The following HEXB variants were observed in gnomAD, a reference collection of about 807,000 sequenced individuals.
The protein encoded by HEXB is beta-hexosaminidase subunit beta.
A neutral mutation model predicts 71.2 loss-of-function variants in HEXB; 51 were observed. The observed-to-expected ratio is 0.72, with a 90% CI of 0.57 to 0.90. The LOEUF (loss-of-function observed/expected upper bound fraction) is 0.90. HEXB is among the 40% of genes least tolerant of loss of function. The pLI is 0.00. For missense variants in HEXB, 617 were observed against 677.0 expected (o/e 0.91, Z 0.98); for synonymous variants, 266 against 249.3 (o/e 1.07, Z -0.63).
chr5:74,648,466 C>G (rs1748041461), intron 1 of HEXB, among the ~76,000 whole-genome samples: 2 of 152,232 alleles, frequency 1.3e-5, no homozygotes, highest in Admixed American at 1.3e-4. Context: ...ATCCCCTTCT[C>G]CAGCACAATC....
chr5:74,642,628 G>A (rs564463581), intron 1 of HEXB, among the ~76,000 whole-genome samples: 19 of 151,908 alleles, frequency 1.3e-4, no homozygotes, highest in Non-Finnish European at 2.5e-4. Context: ...ACCTAAAACG[G>A]CACCTAGATG....
chr5:74,703,189 G>C (rs1487410686), intron 5 of HEXB, among the ~76,000 whole-genome samples: 1 of 152,220 alleles, frequency 6.6e-6, no homozygotes, highest in Non-Finnish European at 1.5e-5. Context: ...CTAGCCTCAG[G>C]TGGTCCACCC....
chr5:74,704,523 A>G (rs1749336107), intron 5 of HEXB, among the ~76,000 whole-genome samples: 1 of 152,172 alleles, frequency 6.6e-6, no homozygotes, highest in African/African-American at 2.4e-5. Context: ...GTTGGGACTC[A>G]AATTTCAGAA....
chr5:74,718,090 C>G (rs1023437192), intron 9 of HEXB, among the ~76,000 whole-genome samples: 6 of 152,166 alleles, frequency 3.9e-5, no homozygotes, highest in African/African-American at 1.4e-4. Flanking sequence ...AACCCCCATA[C>G]TATGTTAGGT....
At chr5:74,675,905 G>A (rs1180733728) in intron 1 of HEXB, among the ~76,000 whole-genome samples, 1 of 152,134 alleles carries the variant, frequency 6.6e-6, no homozygotes, top group African/African-American at 2.4e-5. Flanking sequence ...AATTGAGTGG[G>A]GAGGGAATCT....
chr5:74,714,086 C>T (rs1036287654), intron 7 of HEXB, among the ~76,000 whole-genome samples: 5 of 152,228 alleles, frequency 3.3e-5, no homozygotes, highest in South Asian at 2.1e-4. Flanking sequence ...CGGCCCGCCT[C>T]GGCCTCCCAA....
At chr5:74,703,834 C>A (rs1749317755) in intron 5 of HEXB, among the ~76,000 whole-genome samples, 1 of 152,050 alleles carries the variant, frequency 6.6e-6, no homozygotes, top group African/African-American at 2.4e-5. Context: ...GTCACGATGC[C>A]CAGCTAATTT....
intron 1 of HEXB, among the ~76,000 whole-genome samples, chr5:74,677,515 G>A (rs1361361661): frequency 2.4e-5 from 2 of 81,714 alleles, no homozygotes; most frequent in Admixed American, 2.9e-4. Flanking sequence ...TTTTTTTTTG[G>A]TACTACTCTC....
chr5:74,691,614 G>C (rs1280743550), intron 2 of HEXB, among the ~76,000 whole-genome samples: 3 of 152,148 alleles, frequency 2.0e-5, no homozygotes, highest in African/African-American at 7.2e-5. Flanking sequence ...CACACGTGCA[G>C]GAACACACGC....
upstream of HEXB, among the ~76,000 whole-genome samples, chr5:74,680,735 T>G (rs1293491772): frequency 6.6e-6 from 1 of 152,226 alleles, no homozygotes; most frequent in Non-Finnish European, 1.5e-5. Context: ...TTTGGGGATA[T>G]TTAGCACACA....
chr5:74,719,036 A>AT (rs1345900466), intron 11 of HEXB, 65 bp downstream of exon 11: 14 of 1,496,972 alleles, frequency 9.4e-6, no homozygotes, highest in Non-Finnish European at 1.3e-5. Flanking sequence ...TGAAGCAACC[A>AT]TTGTTACCTT....
At chr5:74,653,889 A>G (rs2112078967) in intron 1 of HEXB, among the ~76,000 whole-genome samples, 1 of 152,306 alleles carries the variant, frequency 6.6e-6, no homozygotes, top group Non-Finnish European at 1.5e-5. Flanking sequence ...CAAAGAGCTC[A>G]GAGACTAGTA....
Position 74,696,744 on chromosome 5 carries a change from G to A in HEXB, c.558+5G>A, listed in dbSNP as rs892920643. The A allele has an allele frequency of 1.3e-5, 18 of 1,392,808 alleles. No individual in the cohort carries two copies. The highest frequency in any genetic ancestry group is 1.7e-5 in the Non-Finnish European group (17 of 979,822). 86.3% of individuals were successfully genotyped at this position (1,392,808 alleles called of 1,614,324 possible). ...TATCAAGATTCTTATGGAACTGTAA[G>A]TATGATTATTATATGTTACTAAAAA... On this transcript the variant is annotated splice_donor_5th_base_variant and intron_variant, in intron 4 of 13. Transcript: ENST00000261416.
intron 12 of HEXB, 58 bp downstream of exon 12, chr5:74,720,576 T>G: frequency 1.3e-6 from 2 of 1,594,494 alleles, no homozygotes; most frequent in South Asian, 2.2e-5. Flanking sequence ...TCCTTCTCTG[T>G]CTAAACACAA....
intron 1 of HEXB, among the ~76,000 whole-genome samples, chr5:74,644,832 C>T (rs1161494733): frequency 6.2e-5 from 7 of 112,920 alleles, no homozygotes; most frequent in Admixed American, 5.5e-4. Flanking sequence ...AGTGCAGTGG[C>T]GCAATCTCGG....
Position 74,685,451 on chromosome 5 carries a change from A to G in HEXB, c.191A>G (p.Lys64Arg), listed in dbSNP as rs764930956. 5.0e-6 allele frequency: 8 copies of G among 1,611,570 alleles called. No homozygotes were observed. The highest frequency in any genetic ancestry group is 4.0e-5 in the African/African-American group (3 of 74,722). ...PALWPLPLLVKMTPNLLHLAP... is the reference protein window; with the variant it reads ...PALWPLPLLVRMTPNLLHLAP... ...CTGTGGCCCCTGCCGCTCTTGGTGAAGATGACCCCGAACCTGCTGCATCTC... is the reference window on the plus strand; with the variant it reads ...CTGTGGCCCCTGCCGCTCTTGGTGAGGATGACCCCGAACCTGCTGCATCTC... Residue 64 changes from lysine (K) to arginine (R), a missense_variant, in exon 1 of 14, where the codon AAG (lysine) becomes AGG (arginine). By Grantham distance (26) the Lys-to-Arg change is conservative. Coordinates refer to ENST00000261416, the MANE Select transcript of HEXB (RefSeq NM_000521.4).
At chr5:74,692,226 A>G (rs542922769) in intron 2 of HEXB, among the ~76,000 whole-genome samples, 2 of 152,074 alleles carry the variant, frequency 1.3e-5, no homozygotes, top group South Asian at 4.2e-4. Flanking sequence ...GGCTGGGTAC[A>G]GTAGCTGACA....
chr5:74,717,362 A>G (rs1216736365), intron 9 of HEXB, among the ~76,000 whole-genome samples: 1 of 152,114 alleles, frequency 6.6e-6, no homozygotes, highest in East Asian at 1.9e-4. Flanking sequence ...GTGTCTGTCC[A>G]TATGTAAATT....
At chr5:74,693,610 G>A (rs1208329639) in intron 2 of HEXB, 29 bp from the exon 3 acceptor site, 1 of 1,487,602 alleles carries the variant, frequency 6.7e-7, no homozygotes, top group East Asian at 2.3e-5. Context: ...TAACAAAAGT[G>A]TGTGTGTGAT....
Sources: gnomAD v4.1 joint callset for allele counts (sites outside exome capture counted in the v4.1 genomes callset) on GRCh38, gnomAD v4.1.1 for gene constraint, MANE v1.5 for transcripts, NCBI Gene and HGNC (gene_info 2026-07-23, HGNC 2026-07-21) for gene names.